The following ZNF398 variants were observed in gnomAD, a reference collection of about 807,000 sequenced individuals.
ZNF398 encodes the protein zinc finger DNA binding protein ZER6.
Under a neutral mutation model 41.9 loss-of-function variants are expected in ZNF398, and 18 were observed. That is an observed-to-expected ratio of 0.43 (90% CI 0.30 to 0.64). The LOEUF (loss-of-function observed/expected upper bound fraction) is 0.64, where lower values mean the gene tolerates loss of function less well. Ranked by LOEUF, ZNF398 falls within the 30% of genes least tolerant of loss-of-function variation. The pLI, the probability that ZNF398 is intolerant of heterozygous loss-of-function variation, is 0.14. For missense variants in ZNF398, 669 were observed against 822.8 expected (o/e 0.81, Z 2.29); for synonymous variants, 260 against 308.8 (o/e 0.84, Z 1.66).
intron 2 of ZNF398, among the ~76,000 whole-genome samples, chr7:149,159,715 CAA>C (rs563529439): frequency 0.016 from 2,271 of 142,724 alleles, 53 homozygotes; most frequent in African/African-American, 0.054. Flanking sequence ...AACTTTTCCT[CAA>C]AAAAAAAAAA....
At chr7:149,127,746 A>AC (rs1360596421) in intron 1 of ZNF398, among the ~76,000 whole-genome samples, 28 of 151,760 alleles carry the variant, frequency 1.8e-4, no homozygotes, top group African/African-American at 6.5e-4. Context: ...AAACAAAAAA[A>AC]CTAACGTTTC....
chr7:149,150,824 C>T (rs1827092250), intron 1 of ZNF398, among the ~76,000 whole-genome samples: 1 of 152,088 alleles, frequency 6.6e-6, no homozygotes, highest in Non-Finnish European at 1.5e-5. Context: ...ATTCTCTAGC[C>T]TCAGTCTCCC....
intron 5 of ZNF398, 47 bp from the exon 6 acceptor site, chr7:149,178,601 A>G: frequency 6.7e-7 from 1 of 1,503,620 alleles, no homozygotes; most frequent in Non-Finnish European, 9.1e-7. Context: ...GAGAGTTGCT[A>G]GTGAGACAGT....
At chr7:149,146,987 G>A (rs1208400304), upstream of ZNF398, 3 of 152,020 alleles carry the variant, frequency 2.0e-5, no homozygotes, top group African/African-American at 7.2e-5. Flanking sequence ...CCTCACCTTG[G>A]CAACCACATT....
rs928243302 is a variant in ZNF398, at chr7:149,182,393, AG to A, written c.*2593del. 1 of 152,234 alleles carries A rather than the reference AG, an allele frequency of 6.6e-6. No individual in the cohort carries two copies. Among genetic ancestry groups the A allele is most frequent in the African/African-American group, 2.4e-5 (1 of 41,456 alleles). The allele number at this position is 152,234 out of a possible 1,614,324, so 9.4% of individuals were successfully genotyped here. A position where few individuals can be genotyped will look rare whatever the true frequency, so the allele number is the denominator to read the frequency against. On this transcript the variant is annotated 3_prime_UTR_variant, in exon 6 of 6. Coordinates refer to ENST00000475153, the MANE Select transcript of ZNF398 (RefSeq NM_170686.3). ...AGTTAGAACTGCAGGCCAGTTCCAA[AG>A]AGTGTTTGCTTAAGATTCAAAAGTG... is the stretch of plus-strand genomic sequence containing the variant.
chr7:149,131,247 C>A (rs77915369), intron 2 of ZNF398, among the ~76,000 whole-genome samples: 1 of 152,128 alleles, frequency 6.6e-6, no homozygotes, highest in Non-Finnish European at 1.5e-5. Context: ...GCTAATGATA[C>A]AAAAAATTCT....
chr7:149,150,137 C>G (rs541280904), intron 1 of ZNF398, among the ~76,000 whole-genome samples: 2 of 152,230 alleles, frequency 1.3e-5, no homozygotes, highest in East Asian at 3.9e-4. Context: ...AACTTAGATT[C>G]GGTTACTGAT....
At chr7:149,130,556 A>G (rs1826575448) in intron 2 of ZNF398, among the ~76,000 whole-genome samples, 1 of 152,210 alleles carries the variant, frequency 6.6e-6, no homozygotes, top group Non-Finnish European at 1.5e-5. Context: ...CTAGCAAACC[A>G]TTTTTAAGAG....
chr7:149,179,815 T>C lies in ZNF398; in HGVS notation c.*14T>C. 1 of 1,552,356 alleles carries C rather than the reference T, an allele frequency of 6.4e-7. No individual in the cohort carries two copies. The highest frequency in any genetic ancestry group is 8.7e-7 in the Non-Finnish European group (1 of 1,147,020). On this transcript the variant is annotated 3_prime_UTR_variant, in exon 6 of 6. Transcript: ENST00000475153. The surrounding 1 kb of genome is among the most constrained non-coding windows in gnomAD (Gnocchi z 6.1). The stretch of plus-strand genomic sequence containing the variant: ...GGAGTTTTGTAAATCCAAATCTCTG[T>C]GGCTTCATGCTTGTATATGCTCACA...
At chr7:149,129,204 T>G (rs1047730661) in intron 2 of ZNF398, among the ~76,000 whole-genome samples, 1 of 152,056 alleles carries the variant, frequency 6.6e-6, no homozygotes, top group Non-Finnish European at 1.5e-5. Flanking sequence ...CAGAGTCAGG[T>G]TGGAAACTAA....
At chr7:149,168,043 T>C (rs1795260270) in intron 4 of ZNF398, among the ~76,000 whole-genome samples, 1 of 152,196 alleles carries the variant, frequency 6.6e-6, no homozygotes, top group African/African-American at 2.4e-5. Flanking sequence ...TGCATATATC[T>C]ATCACTGCAT....
intron 2 of ZNF398, among the ~76,000 whole-genome samples, chr7:149,159,609 C>T (rs796590828): frequency 9.2e-5 from 14 of 152,028 alleles, no homozygotes; most frequent in African/African-American, 3.1e-4. Flanking sequence ...GATCGCACCA[C>T]TGCACTCCAG....
chr7:149,145,165 C>G (rs1245535633), upstream of ZNF398, among the ~76,000 whole-genome samples: 1 of 152,108 alleles, frequency 6.6e-6, no homozygotes, highest in Non-Finnish European at 1.5e-5. Context: ...GATAGTTATA[C>G]TGTTATGGGC....
intron 2 of ZNF398, among the ~76,000 whole-genome samples, chr7:149,131,940 C>A (rs550585624): frequency 9.9e-5 from 15 of 152,244 alleles, no homozygotes; most frequent in African/African-American, 3.6e-4. Flanking sequence ...ACGCAGCATA[C>A]CAATTTACCA....
intron 2 of ZNF398, among the ~76,000 whole-genome samples, chr7:149,132,712 C>T (rs185587442): frequency 2.6e-4 from 40 of 152,162 alleles, no homozygotes; most frequent in Non-Finnish European, 4.6e-4. Context: ...TTCCACTGGG[C>T]CAGTGCCATG....
chr7:149,133,025 G>C (rs969545188), intron 2 of ZNF398, among the ~76,000 whole-genome samples: 6 of 151,948 alleles, frequency 3.9e-5, no homozygotes, highest in African/African-American at 1.2e-4. Context: ...TCCTATATCA[G>C]CGGTGAGGAC....
chr7:149,132,130 C>G (rs1826607195), intron 2 of ZNF398, among the ~76,000 whole-genome samples: 1 of 151,722 alleles, frequency 6.6e-6, no homozygotes. Context: ...CGATACACTA[C>G]TAAGTTGCTC....
intron 4 of ZNF398, among the ~76,000 whole-genome samples, chr7:149,170,727 T>TC (rs1795316540): frequency 6.6e-6 from 1 of 150,658 alleles, no homozygotes; most frequent in Admixed American, 6.6e-5. Context: ...AGAGCGAGAC[T>TC]CCATCTCAAA....
chr7:149,160,227 A>G (rs1196647171), intron 2 of ZNF398, among the ~76,000 whole-genome samples: 2 of 152,136 alleles, frequency 1.3e-5, no homozygotes, highest in Non-Finnish European at 2.9e-5. Flanking sequence ...TCACAAGGTC[A>G]GGAGATCGAG....
Sources: gnomAD v4.1 joint callset for allele counts (sites outside exome capture counted in the v4.1 genomes callset) on GRCh38, gnomAD v4.1.1 for gene constraint, Gnocchi (gnomAD v3.1) non-coding constraint, MANE v1.5 for transcripts, NCBI Gene and HGNC (gene_info 2026-07-23, HGNC 2026-07-21) for gene names.